The following PACRG variants were observed in gnomAD, a reference collection of about 807,000 sequenced individuals.
The protein encoded by PACRG is parkin coregulated gene protein.
A neutral mutation model predicts 29.7 loss-of-function variants in PACRG; 29 were observed. The ratio of observed to expected loss-of-function variants is 0.98; its 90% CI spans 0.73 to 1.33. The LOEUF (loss-of-function observed/expected upper bound fraction) is 1.33, where lower values mean the gene tolerates loss of function less well. Among genes scored for constraint, PACRG ranks in the 40% most tolerant of loss-of-function variants. The pLI is 0.00. For synonymous variants in PACRG, 116 were observed against 118.7 expected (o/e 0.98, Z 0.15); for missense variants, 279 against 316.2 (o/e 0.88, Z 0.89).
chr6:163,113,844 A>G (rs1223994707), intron 4 of PACRG, among the ~76,000 whole-genome samples: 2 of 152,246 alleles, frequency 1.3e-5, no homozygotes, highest in Admixed American at 6.5e-5. Flanking sequence ...TACATGAGCA[A>G]TTATAGAAAC....
At chr6:163,192,763 G>T (rs1780272286) in intron 4 of PACRG, among the ~76,000 whole-genome samples, 1 of 152,182 alleles carries the variant, frequency 6.6e-6, no homozygotes, top group Non-Finnish European at 1.5e-5. Context: ...GTGTGTATTT[G>T]CAGGGAAGAT....
At chr6:163,050,748 CAT>C (rs1163913809) in intron 2 of PACRG, among the ~76,000 whole-genome samples, 1 of 152,174 alleles carries the variant, frequency 6.6e-6, no homozygotes, top group Admixed American at 6.5e-5. Flanking sequence ...ATTAATGAGA[CAT>C]GTAATTTCCA....
At chr6:162,782,458 G>A (rs1445928686) in intron 1 of PACRG, among the ~76,000 whole-genome samples, 1 of 151,878 alleles carries the variant, frequency 6.6e-6, no homozygotes, top group Non-Finnish European at 1.5e-5. Flanking sequence ...AGGCCACATT[G>A]TAGAGAGCAA....
At chr6:162,796,688 C>T (rs1328222048) in intron 1 of PACRG, among the ~76,000 whole-genome samples, 2 of 151,600 alleles carry the variant, frequency 1.3e-5, no homozygotes, top group Admixed American at 6.6e-5. Flanking sequence ...CCTTTGCCTC[C>T]CAATGATAAT....
intron 2 of PACRG, among the ~76,000 whole-genome samples, chr6:163,059,227 T>C (rs954060038): frequency 2.6e-5 from 4 of 152,246 alleles, no homozygotes; most frequent in Non-Finnish European, 5.9e-5. Context: ...TCGCTCAATC[T>C]TTCATTTGAC....
chr6:162,967,635 T>A (rs1232513700), intron 2 of PACRG, among the ~76,000 whole-genome samples: 1 of 151,968 alleles, frequency 6.6e-6, no homozygotes, highest in Non-Finnish European at 1.5e-5. Flanking sequence ...GCCTCCCAAG[T>A]AGCTGGGACT....
At chr6:163,082,875 A>T (rs1413134539) in intron 3 of PACRG, among the ~76,000 whole-genome samples, 1 of 152,224 alleles carries the variant, frequency 6.6e-6, no homozygotes, top group Non-Finnish European at 1.5e-5. Context: ...TACTGGGCTT[A>T]GCATTCTTTC....
chr6:163,064,538 T>C (rs978259072), intron 3 of PACRG, among the ~76,000 whole-genome samples: 1 of 152,230 alleles, frequency 6.6e-6, no homozygotes, highest in Non-Finnish European at 1.5e-5. Context: ...GTGTAACTGC[T>C]CCTTCCTTCT....
At chr6:163,096,224 T>C (rs1814570282) in intron 4 of PACRG, among the ~76,000 whole-genome samples, 2 of 152,206 alleles carry the variant, frequency 1.3e-5, no homozygotes, top group African/African-American at 2.4e-5. Flanking sequence ...CAGCTCTGGA[T>C]GCTGCCCTGG....
intron 4 of PACRG, among the ~76,000 whole-genome samples, chr6:163,303,961 A>G (rs1290391111): frequency 6.9e-6 from 1 of 145,932 alleles, no homozygotes; most frequent in South Asian, 2.2e-4. Context: ...GGTTGCAGCG[A>G]GCCGAGATTG....
chr6:162,972,041 C>T (rs1801575886), intron 2 of PACRG, among the ~76,000 whole-genome samples: 1 of 152,194 alleles, frequency 6.6e-6, no homozygotes, highest in South Asian at 2.1e-4. Flanking sequence ...CTGACCTCCG[C>T]ATGAGGATGG....
At chr6:163,206,517 AGAG>A (rs1326927704) in intron 4 of PACRG, among the ~76,000 whole-genome samples, 1 of 152,088 alleles carries the variant, frequency 6.6e-6, no homozygotes, top group East Asian at 1.9e-4. Context: ...ATAGACACAA[AGAG>A]GAGAACAACA....
chr6:163,150,595 C>T (rs908292929), intron 4 of PACRG, among the ~76,000 whole-genome samples: 1 of 65,614 alleles, frequency 1.5e-5, no homozygotes, highest in African/African-American at 1.9e-4. Flanking sequence ...TCCTTCCAGG[C>T]TCAAGTTCCC....
At chr6:162,933,624 T>TC (rs1397731253) in intron 2 of PACRG, among the ~76,000 whole-genome samples, 5 of 121,558 alleles carry the variant, frequency 4.1e-5, no homozygotes, top group African/African-American at 1.5e-4. Context: ...TTTTTTTTTT[T>TC]ACTTAAAGTC....
intron 4 of PACRG, among the ~76,000 whole-genome samples, chr6:163,302,898 G>A (rs1306982183): frequency 6.6e-6 from 1 of 152,186 alleles, no homozygotes; most frequent in Non-Finnish European, 1.5e-5. Flanking sequence ...GTGCAGCCCA[G>A]TCACCTACAA....
At chr6:162,755,479 A>C (rs1781840118) in intron 1 of PACRG, among the ~76,000 whole-genome samples, 1 of 151,628 alleles carries the variant, frequency 6.6e-6, no homozygotes, top group African/African-American at 2.4e-5. Flanking sequence ...TCTGTTGCCC[A>C]GGTTGGAGTG....
At chr6:162,891,040 T>A (rs1794716334) in intron 2 of PACRG, among the ~76,000 whole-genome samples, 1 of 152,142 alleles carries the variant, frequency 6.6e-6, no homozygotes, top group South Asian at 2.1e-4. Flanking sequence ...CAGGAAAGCC[T>A]TGTGATGCTC....
intron 1 of PACRG, among the ~76,000 whole-genome samples, chr6:162,747,306 C>T (rs1265155762): frequency 3.0e-5 from 4 of 133,438 alleles, no homozygotes; most frequent in African/African-American, 1.1e-4. Context: ...TTTTGGAACT[C>T]AGACTGGCTC....
intron 4 of PACRG, among the ~76,000 whole-genome samples, chr6:163,184,665 G>C (rs796282628): frequency 5.9e-5 from 9 of 152,236 alleles, no homozygotes; most frequent in African/African-American, 2.2e-4. Context: ...CCCTGTGTTT[G>C]AGAGGAGTTA....
Sources: allele counts gnomAD v4.1 joint callset (sites outside exome capture counted in the v4.1 genomes callset), GRCh38; gene constraint gnomAD v4.1.1; transcripts MANE v1.5; gene names NCBI Gene and HGNC (gene_info 2026-07-23, HGNC 2026-07-21).